STARD13: variants seen among roughly 807,000 people sequenced by gnomAD.
The protein encoded by STARD13 is StAR related lipid transfer domain containing 13, also known as stAR-related lipid transfer protein 13.
STARD13 carries 62 observed loss-of-function variants against 106.4 expected under a neutral mutation model. The ratio of observed to expected loss-of-function variants is 0.58; its 90% CI spans 0.48 to 0.72. The LOEUF (loss-of-function observed/expected upper bound fraction) is 0.72. Ranked by LOEUF, STARD13 falls within the 30% of genes least tolerant of loss-of-function variation. The pLI is 0.00. For missense variants in STARD13, 1,387 were observed against 1,424.0 expected (o/e 0.97, Z 0.42); for synonymous variants, 565 against 553.0 (o/e 1.02, Z -0.31).
chr13:33,496,803 T>C, the STARD13 span, among the ~76,000 whole-genome samples: 9 of 152,114 alleles, frequency 5.9e-5, no homozygotes, highest in African/African-American at 2.2e-4. Context: ...GTATGCCATT[T>C]TGTCTCAACA....
chr13:33,385,468 A>T, the STARD13 span, among the ~76,000 whole-genome samples: 2 of 85,752 alleles, frequency 2.3e-5, no homozygotes, highest in East Asian at 4.4e-4. Context: ...CCAGAATGGT[A>T]AAAAAAAAAA....
At chr13:33,644,842 A>T in the STARD13 span, among the ~76,000 whole-genome samples, 1 of 152,214 alleles carries the variant, frequency 6.6e-6, no homozygotes, top group Non-Finnish European at 1.5e-5. Context: ...CTTTTCTAGG[A>T]ATAATGACAC....
chr13:33,146,533 T>G (rs1296361710), intron 3 of STARD13, among the ~76,000 whole-genome samples: 1 of 152,204 alleles, frequency 6.6e-6, no homozygotes, highest in African/African-American at 2.4e-5. Flanking sequence ...TACATAGCTG[T>G]ACATTTCACA....
At chr13:33,536,021 G>A in the STARD13 span, among the ~76,000 whole-genome samples, 9 of 152,252 alleles carry the variant, frequency 5.9e-5, no homozygotes, top group Admixed American at 5.2e-4. Context: ...AGTGATTTGG[G>A]GGACATGAAT....
chr13:33,567,421 A>G, the STARD13 span, among the ~76,000 whole-genome samples: 8 of 148,370 alleles, frequency 5.4e-5, 1 homozygote, highest in Non-Finnish European at 7.5e-5. Flanking sequence ...TGGAACACAA[A>G]TTGACAGAAG....
chr13:33,345,964 G>C (rs1840095162), downstream of STARD13, among the ~76,000 whole-genome samples: 1 of 152,186 alleles, frequency 6.6e-6, no homozygotes, highest in Non-Finnish European at 1.5e-5. Flanking sequence ...CCAGCCTCCA[G>C]TTTGGCCCTC....
At chr13:33,573,818 T>C in the STARD13 span, among the ~76,000 whole-genome samples, 1 of 152,190 alleles carries the variant, frequency 6.6e-6, no homozygotes, top group East Asian at 1.9e-4. Flanking sequence ...CGCTGGGTGT[T>C]ACCTTTATCT....
intron 1 of STARD13, among the ~76,000 whole-genome samples, chr13:33,188,966 G>T (rs1886007650): frequency 6.6e-6 from 1 of 152,112 alleles, no homozygotes; most frequent in Non-Finnish European, 1.5e-5. Flanking sequence ...AGTGACATTT[G>T]GTGTTTCCTT....
chr13:33,257,444 C>T (rs991602812), intron 1 of STARD13, among the ~76,000 whole-genome samples: 1 of 152,154 alleles, frequency 6.6e-6, no homozygotes, highest in African/African-American at 2.4e-5. Flanking sequence ...AAAAGTGTAC[C>T]TATATCTATA....
the STARD13 span, among the ~76,000 whole-genome samples, chr13:33,488,547 A>T: frequency 6.6e-6 from 1 of 152,178 alleles, no homozygotes. Flanking sequence ...TAGAATGAAG[A>T]TTTTTAAGAA....
intron 1 of STARD13, among the ~76,000 whole-genome samples, chr13:33,333,273 A>G (rs1036652230): frequency 6.6e-6 from 1 of 152,114 alleles, no homozygotes; most frequent in Admixed American, 6.6e-5. Context: ...ACCAAATCCC[A>G]GCTACTCAGG....
intron 2 of STARD13, among the ~76,000 whole-genome samples, chr13:33,165,925 C>T (rs1253192972): frequency 1.3e-5 from 2 of 152,100 alleles, no homozygotes; most frequent in Non-Finnish European, 2.9e-5. Context: ...TTGATTCTAT[C>T]CAAAAAGAAT....
chr13:33,626,484 C>T, the STARD13 span, among the ~76,000 whole-genome samples: 1 of 152,154 alleles, frequency 6.6e-6, no homozygotes, highest in Non-Finnish European at 1.5e-5. Flanking sequence ...TTATCTATCT[C>T]TCTAATCCAT....
the STARD13 span, among the ~76,000 whole-genome samples, chr13:33,515,058 G>A: frequency 6.6e-6 from 1 of 152,222 alleles, no homozygotes; most frequent in East Asian, 1.9e-4. Context: ...TAGAGTAAAG[G>A]CCAGAGTACT....
the STARD13 span, among the ~76,000 whole-genome samples, chr13:33,544,768 C>CTTTT: frequency 7.6e-6 from 1 of 131,820 alleles, no homozygotes; most frequent in African/African-American, 2.8e-5. Context: ...GTTGTTTTTT[C>CTTTT]TCTTTTTTTT....
intron 1 of STARD13, among the ~76,000 whole-genome samples, chr13:33,182,147 C>T (rs549826886): frequency 6.6e-6 from 1 of 152,286 alleles, no homozygotes; most frequent in Admixed American, 6.5e-5. Context: ...AACAAAGTTT[C>T]ATAAAACAAT....
At chr13:33,143,642 C>T (rs1566021753) in intron 3 of STARD13, among the ~76,000 whole-genome samples, 1 of 152,202 alleles carries the variant, frequency 6.6e-6, no homozygotes, top group South Asian at 2.1e-4. Flanking sequence ...CAAACTCTGC[C>T]TCCCAGGCTC....
the STARD13 span, among the ~76,000 whole-genome samples, chr13:33,420,901 A>G: frequency 6.6e-6 from 1 of 152,234 alleles, no homozygotes; most frequent in East Asian, 1.9e-4. Flanking sequence ...GTTCTTTGAA[A>G]CCAATGAGAA....
intron 1 of STARD13, among the ~76,000 whole-genome samples, chr13:33,304,202 A>G (rs1386153610): frequency 6.6e-6 from 1 of 152,240 alleles, no homozygotes; most frequent in African/African-American, 2.4e-5. Context: ...AGATGTCTAC[A>G]TGGTTAGCAA....
Sources: gnomAD v4.1 joint callset for allele counts (sites outside exome capture counted in the v4.1 genomes callset) on GRCh38, gnomAD v4.1.1 for gene constraint, MANE v1.5 for transcripts, NCBI Gene and HGNC (gene_info 2026-07-23, HGNC 2026-07-21) for gene names.